MLLT3: variants seen among roughly 807,000 people sequenced by gnomAD.
MLLT3 encodes the protein MLLT3 super elongation complex subunit.
In MLLT3, 4 loss-of-function variants were observed where a neutral mutation model predicts 53.2. That is an observed-to-expected ratio of 0.08 (90% CI 0.04 to 0.17). The LOEUF is 0.17. Among genes scored for constraint, MLLT3 ranks in the 10% least tolerant of loss-of-function variants. The pLI is 1.00. For missense variants in MLLT3, 569 were observed against 684.0 expected, an observed-to-expected ratio of 0.83 and a Z score of 1.87; for synonymous variants, 283 against 230.6, an observed-to-expected ratio of 1.23 and a Z score of -2.06.
intron 4 of MLLT3, among the ~76,000 whole-genome samples, chr9:20,422,430 T>C (rs1823032592): frequency 6.6e-6 from 1 of 152,116 alleles, no homozygotes; most frequent in African/African-American, 2.4e-5. Flanking sequence ...AAGAATTACA[T>C]CCTTAAATTC....
At chr9:20,496,382 G>T (rs900117287) in intron 2 of MLLT3, among the ~76,000 whole-genome samples, 14 of 152,036 alleles carry the variant, frequency 9.2e-5, no homozygotes, top group African/African-American at 3.4e-4. Flanking sequence ...ATTGTAATCA[G>T]CCCTGTTTCT....
Position 20,344,866 on chromosome 9 carries a change from A to C in MLLT3, c.*1577T>G, listed in dbSNP as rs1169859477. 4.7e-6 allele frequency: 1 copy of C among 211,368 alleles called. No individual in the cohort carries two copies. The allele number at this position is 211,368 out of a possible 1,614,324, so 13.1% of individuals were successfully genotyped here. ...ACAGCATCTGGCATGGGAACAAACA[A>C]GGGAGATACTGGTCTATTAGCACAC... is the stretch of plus-strand genomic sequence containing the variant. On this transcript the variant is annotated 3_prime_UTR_variant, in exon 11 of 11. Transcript: ENST00000380338.
chr9:20,594,514 C>A (rs984240034), intron 2 of MLLT3, among the ~76,000 whole-genome samples: 2 of 152,096 alleles, frequency 1.3e-5, no homozygotes, highest in African/African-American at 4.8e-5. Context: ...TGAACCAGAG[C>A]AAGTCCATGT....
At chr9:20,491,758 T>C (rs1261186792) in intron 2 of MLLT3, among the ~76,000 whole-genome samples, 1 of 152,138 alleles carries the variant, frequency 6.6e-6, no homozygotes, top group Non-Finnish European at 1.5e-5. Context: ...CATATACACC[T>C]GGAGCTTTAT....
intron 4 of MLLT3, among the ~76,000 whole-genome samples, chr9:20,435,858 T>C (rs1464677811): frequency 2.6e-5 from 4 of 152,172 alleles, no homozygotes; most frequent in African/African-American, 9.7e-5. Context: ...TTATCGGTCC[T>C]AGATTCAAAT....
chr9:20,469,122 A>T (rs192957002), intron 2 of MLLT3, among the ~76,000 whole-genome samples: 2 of 152,188 alleles, frequency 1.3e-5, no homozygotes, highest in African/African-American at 4.8e-5. Flanking sequence ...TTCCATTCTT[A>T]CTTGGGAGTC....
intron 2 of MLLT3, among the ~76,000 whole-genome samples, chr9:20,543,417 C>A (rs1211714897): frequency 6.6e-6 from 1 of 152,180 alleles, no homozygotes; most frequent in Non-Finnish European, 1.5e-5. Flanking sequence ...GCTTATGGTG[C>A]CCCCAAAACA....
chr9:20,565,143 T>C (rs998107477), intron 2 of MLLT3, among the ~76,000 whole-genome samples: 1 of 152,156 alleles, frequency 6.6e-6, no homozygotes, highest in African/African-American at 2.4e-5. Context: ...TTTTTTTTTT[T>C]TCTCAGTATT....
intron 4 of MLLT3, among the ~76,000 whole-genome samples, chr9:20,430,594 C>T (rs984855984): frequency 5.3e-5 from 8 of 152,078 alleles, no homozygotes; most frequent in South Asian, 4.1e-4. Flanking sequence ...TTACCTCATA[C>T]ATACATAAAA....
intron 2 of MLLT3, among the ~76,000 whole-genome samples, chr9:20,612,349 A>C (rs1820723258): frequency 6.6e-6 from 1 of 152,138 alleles, no homozygotes; most frequent in South Asian, 2.1e-4. Flanking sequence ...TCTTACTCTT[A>C]TTTGTATCTC....
rs1285645062 is a variant in MLLT3, at chr9:20,346,390, A to G, written c.*53T>C. On this transcript the variant is annotated 3_prime_UTR_variant, in exon 11 of 11. Coordinates refer to ENST00000380338, the MANE Select transcript of MLLT3 (RefSeq NM_004529.4). ...CAAAAAATCACAACCAAAAAAAAAA[A>G]AAACCAAAAAAAAAAAACACAATAG... 2.0e-6 allele frequency: 3 copies of G among 1,471,500 alleles called. No individual in the cohort carries two copies. Among genetic ancestry groups the G allele is most frequent in the Non-Finnish European group, 2.7e-6 (3 of 1,106,332 alleles). The allele number at this position is 1,471,500 out of a possible 1,614,324, so 91.2% of individuals were successfully genotyped here.
intron 3 of MLLT3, among the ~76,000 whole-genome samples, chr9:20,450,231 T>G (rs1355142018): frequency 1.3e-5 from 2 of 152,186 alleles, no homozygotes; most frequent in Non-Finnish European, 2.9e-5. Flanking sequence ...CCTTATGAAC[T>G]TTCAGATCTA....
In MLLT3 at chr9:20,478,730, T is replaced by C. The variant is rs72700002; in HGVS notation, c.194-21944A>G. On this transcript the variant is annotated intron_variant, in intron 2 of 10. Transcript: ENST00000380338. Reference sequence around the variant, plus strand: ...ATAGCTATGACCCGGGGCAAGTCATTTTAACCTCGGAGCTTTCCTCGTGTT... The same window carrying C: ...ATAGCTATGACCCGGGGCAAGTCATCTTAACCTCGGAGCTTTCCTCGTGTT... Among the ~76,000 whole-genome samples, 1,429 of 152,284 alleles carry C rather than the reference T, an allele frequency of 9.4e-3. 16 individuals are homozygous for C. Among genetic ancestry groups the C allele is most frequent in the Non-Finnish European group, 0.014 (948 of 68,008 alleles).
At chr9:20,547,812 T>A (rs1467468113) in intron 2 of MLLT3, among the ~76,000 whole-genome samples, 1 of 152,096 alleles carries the variant, frequency 6.6e-6, no homozygotes, top group Non-Finnish European at 1.5e-5. Context: ...ATTAGCCAAG[T>A]GTGGTAGTGC....
chr9:20,438,320 T>C (rs374614467), intron 4 of MLLT3, among the ~76,000 whole-genome samples: 2 of 152,192 alleles, frequency 1.3e-5, no homozygotes, highest in Non-Finnish European at 2.9e-5. Context: ...GTGTGGCCAA[T>C]GGGATGAGGA....
chr9:20,597,105 G>A (rs993309789), intron 2 of MLLT3, among the ~76,000 whole-genome samples: 11 of 151,788 alleles, frequency 7.2e-5, no homozygotes, highest in African/African-American at 2.2e-4. Flanking sequence ...TTGCAAGTAC[G>A]TAGAAATACT....
chr9:20,599,976 G>A (rs1820376042), intron 2 of MLLT3, among the ~76,000 whole-genome samples: 1 of 151,944 alleles, frequency 6.6e-6, no homozygotes, highest in Non-Finnish European at 1.5e-5. Context: ...AACCCAGTGA[G>A]TTCAGAAATT....
rs533466358 is a variant in MLLT3 at position 20,375,770 on chromosome 9, G to A, written c.1126-10026C>T. On this transcript the variant is annotated intron_variant, in intron 5 of 10. Transcript: ENST00000380338. ...ACCACAGGCACCTGCCACCACGCCC[G>A]GCTAGGTTTTTGTATTTTTAGTAGA... is the stretch of plus-strand genomic sequence containing the variant. 7.9e-5 allele frequency among the ~76,000 whole-genome samples: 12 copies of A among 151,920 alleles called. No individual in the cohort carries two copies. In the South Asian group the frequency reaches 1.9e-3, roughly 24 times the overall value.
At chr9:20,394,688 G>C (rs1361197601) in intron 5 of MLLT3, among the ~76,000 whole-genome samples, 1 of 152,042 alleles carries the variant, frequency 6.6e-6, no homozygotes, top group Non-Finnish European at 1.5e-5. Context: ...GTCACAAAGT[G>C]TTAGACACTG....
Sources: gnomAD v4.1 joint callset for allele counts (sites outside exome capture counted in the v4.1 genomes callset) on GRCh38, gnomAD v4.1.1 for gene constraint, MANE v1.5 for transcripts, NCBI Gene and HGNC (gene_info 2026-07-23, HGNC 2026-07-21) for gene names.